The following UNC5D variants were observed in gnomAD, a reference collection of about 807,000 sequenced individuals.
UNC5D encodes the protein unc-5 netrin receptor D.
Under a neutral mutation model 105.4 loss-of-function variants are expected in UNC5D, and 39 were observed. The observed-to-expected ratio is 0.37, with a 90% CI of 0.29 to 0.48. The LOEUF is 0.48. Among genes scored for constraint, UNC5D ranks in the 20% least tolerant of loss-of-function variants. The pLI is 0.98. For missense variants in UNC5D, 991 were observed against 1,202.4 expected (o/e 0.82, Z 2.60); for synonymous variants, 452 against 450.4 (o/e 1.00, Z -0.04).
intron 1 of UNC5D, among the ~76,000 whole-genome samples, chr8:35,537,000 C>T (rs115512098): frequency 6.6e-6 from 1 of 151,666 alleles, no homozygotes; most frequent in Non-Finnish European, 1.5e-5. Context: ...TATCTCTAAA[C>T]AAAACAAAAC....
At chr8:35,527,398 A>G (rs1813952110) in intron 1 of UNC5D, among the ~76,000 whole-genome samples, 2 of 152,302 alleles carry the variant, frequency 1.3e-5, no homozygotes, top group South Asian at 4.1e-4. Context: ...TATTGCTCAA[A>G]GTTCTTAGGG....
chr8:35,599,779 TA>T (rs1428635287), intron 4 of UNC5D, among the ~76,000 whole-genome samples: 1 of 152,142 alleles, frequency 6.6e-6, no homozygotes, highest in African/African-American at 2.4e-5. Context: ...GTCCTACAAC[TA>T]AAGAAATAAA....
At chr8:35,621,916 C>A (rs1821381385) in intron 4 of UNC5D, among the ~76,000 whole-genome samples, 1 of 152,172 alleles carries the variant, frequency 6.6e-6, no homozygotes, top group Non-Finnish European at 1.5e-5. Context: ...GACAAGAGAC[C>A]TGTGTTCTAG....
intron 1 of UNC5D, among the ~76,000 whole-genome samples, chr8:35,352,650 T>C (rs1812318233): frequency 6.6e-6 from 1 of 152,172 alleles, no homozygotes; most frequent in Non-Finnish European, 1.5e-5. Flanking sequence ...TCTCACTCTG[T>C]CACCCAGGCT....
intron 1 of UNC5D, among the ~76,000 whole-genome samples, chr8:35,539,793 C>T (rs1000098601): frequency 6.6e-6 from 1 of 152,196 alleles, no homozygotes; most frequent in South Asian, 2.1e-4. Context: ...TGTGACCTGA[C>T]ATCTAACAGG....
chr8:35,249,069 A>G lies in UNC5D; in HGVS notation c.103+13182A>G, dbSNP rs1585411264. On this transcript the variant is annotated intron_variant, in intron 1 of 16. Transcript: ENST00000404895. ...TATAAAAATAATATATAAAATATATATAATATATAAAAGTTATATATAATA... is the reference window on the plus strand; with the variant it reads ...TATAAAAATAATATATAAAATATATGTAATATATAAAAGTTATATATAATA... 9.2e-5 allele frequency among the ~76,000 whole-genome samples: 11 copies of G among 119,002 alleles called. No homozygotes were observed. In the South Asian group the frequency reaches 2.5e-3, roughly 27 times the overall value. 78.1% of individuals were successfully genotyped at this position (119,002 alleles called of 152,430 possible).
chr8:35,310,820 A>G (rs548397620), intron 1 of UNC5D, among the ~76,000 whole-genome samples: 71 of 152,050 alleles, frequency 4.7e-4, no homozygotes, highest in Non-Finnish European at 5.7e-4. Context: ...ATACCTCCTT[A>G]GAGGTCCTAT....
intron 1 of UNC5D, among the ~76,000 whole-genome samples, chr8:35,410,193 A>G (rs577843494): frequency 1.3e-5 from 2 of 152,206 alleles, no homozygotes; most frequent in South Asian, 4.1e-4. Context: ...AGCATTCAAT[A>G]AATACTTACT....
rs568106025 is a variant in UNC5D at position 35,249,295 on chromosome 8, C to T, written c.103+13408C>T. Among the ~76,000 whole-genome samples the T allele has an allele frequency of 3.3e-4, 50 of 149,636 alleles. No individual in the cohort carries two copies. In the East Asian group the frequency reaches 4.5e-3, roughly 14 times the overall value. The stretch of plus-strand genomic sequence containing the variant: ...TTTGGTGGCCAGGCGTGGTGGCTCA[C>T]GCCTGTAATCCCAGCACTTTGGGAA... On this transcript the variant is annotated intron_variant, in intron 1 of 16. Transcript: ENST00000404895.
intron 11 of UNC5D, among the ~76,000 whole-genome samples, chr8:35,740,840 T>C (rs1829722268): frequency 6.6e-6 from 1 of 152,138 alleles, no homozygotes; most frequent in South Asian, 2.1e-4. Flanking sequence ...ACAAAGAAGA[T>C]GTTGGCCTCA....
At chr8:35,683,774 G>A (rs1825827761) in intron 5 of UNC5D, 47 bp downstream of exon 5, 1 of 1,425,430 alleles carries the variant, frequency 7.0e-7, no homozygotes, top group Non-Finnish European at 9.2e-7. Flanking sequence ...GGCAGAAAGA[G>A]GTAGAGGGAT....
At chr8:35,443,005 T>C (rs1807538805) in intron 1 of UNC5D, among the ~76,000 whole-genome samples, 1 of 151,176 alleles carries the variant, frequency 6.6e-6, no homozygotes, top group African/African-American at 2.4e-5. Flanking sequence ...ATAATATAGG[T>C]GAGGACCATT....
At chr8:35,495,972 G>A (rs1057282487) in intron 1 of UNC5D, among the ~76,000 whole-genome samples, 3 of 152,306 alleles carry the variant, frequency 2.0e-5, no homozygotes, top group Middle Eastern at 3.4e-3. Context: ...AACTTTACGT[G>A]GTGGCAAAAG....
intron 1 of UNC5D, among the ~76,000 whole-genome samples, chr8:35,238,581 A>C (rs1388811219): frequency 1.3e-5 from 2 of 152,010 alleles, no homozygotes; most frequent in African/African-American, 2.4e-5. Context: ...TGTCATACTG[A>C]TTTGTTTTTG....
At chr8:35,777,510 C>G (rs1156357023) in intron 16 of UNC5D, among the ~76,000 whole-genome samples, 3 of 152,266 alleles carry the variant, frequency 2.0e-5, no homozygotes, top group Admixed American at 6.5e-5. Flanking sequence ...GCTTTACTCT[C>G]AAAAAATAGT....
intron 1 of UNC5D, among the ~76,000 whole-genome samples, chr8:35,536,353 A>C (rs1002344929): frequency 1.3e-5 from 2 of 152,204 alleles, no homozygotes; most frequent in Admixed American, 1.3e-4. Flanking sequence ...AAAGGAATTA[A>C]AGGATTTCAT....
intron 14 of UNC5D, among the ~76,000 whole-genome samples, chr8:35,763,550 T>C (rs1801639544): frequency 6.6e-6 from 1 of 152,032 alleles, no homozygotes; most frequent in Non-Finnish European, 1.5e-5. Context: ...CGGTTCTTTG[T>C]CTAGCCCTGA....
In UNC5D at chr8:35,280,159, C is replaced by T. The variant is rs561720082; in HGVS notation, c.103+44272C>T. Among the ~76,000 whole-genome samples, 8 of 152,182 alleles carry T rather than the reference C, an allele frequency of 5.3e-5. 1 individual carries two copies. The East Asian group carries it at 1.6e-3, about 30-fold the overall frequency. On this transcript the variant is annotated intron_variant, in intron 1 of 16. Coordinates refer to ENST00000404895, the MANE Select transcript of UNC5D (RefSeq NM_080872.4). Reference sequence around the variant, plus strand: ...TACAGGTGCCCACCACCACACCTCACTAATTTTTATATTTTTAGTAGAGTT... The same window carrying T: ...TACAGGTGCCCACCACCACACCTCATTAATTTTTATATTTTTAGTAGAGTT...
chr8:35,535,957 G>T (rs1814803356), intron 1 of UNC5D, among the ~76,000 whole-genome samples: 1 of 152,178 alleles, frequency 6.6e-6, no homozygotes. Context: ...AGCTAAGGTA[G>T]GTTAAATATC....
Sources: allele counts gnomAD v4.1 joint callset (sites outside exome capture counted in the v4.1 genomes callset), GRCh38; gene constraint gnomAD v4.1.1; transcripts MANE v1.5; gene names NCBI Gene and HGNC (gene_info 2026-07-23, HGNC 2026-07-21).